The following CLTRN variants were observed in gnomAD, a reference collection of about 807,000 sequenced individuals.
The protein encoded by CLTRN is collectrin, amino acid transport regulator, also known as collectrin.
A neutral mutation model predicts 14.5 loss-of-function variants in CLTRN; 12 were observed. The ratio of observed to expected loss-of-function variants is 0.83; its 90% CI spans 0.53 to 1.34. The LOEUF (loss-of-function observed/expected upper bound fraction) is 1.34. Among genes scored for constraint, CLTRN ranks in the 40% most tolerant of loss-of-function variants. The probability of loss-of-function intolerance (pLI) is 0.00; values close to 1 mark genes in which losing one functional copy is unlikely to be tolerated. For missense variants in CLTRN, 154 were observed against 165.1 expected (o/e 0.93, Z 0.37); for synonymous variants, 58 against 56.5 (o/e 1.03, Z -0.12).
In CLTRN at chrX:15,664,604, C is replaced by G. The variant is rs184918998; in HGVS notation, c.58+114G>C. On this transcript the variant is annotated intron_variant, in intron 1 of 5. Coordinates refer to ENST00000380342, the MANE Select transcript of CLTRN (RefSeq NM_020665.6). ...ACTCATTAAACACTCACTGCCCCAA[C>G]TTTCAAGCCACAACATGTCTGCAGA... is the stretch of plus-strand genomic sequence containing the variant. 2.5e-3 allele frequency: 1,983 copies of G among 800,887 alleles called. 7 individuals are homozygous for G. Among genetic ancestry groups the G allele is most frequent in the Non-Finnish European group, 2.8e-3 (1,515 of 544,471 alleles). 66.0% of individuals were successfully genotyped at this position (800,887 alleles called of 1,213,427 possible).
intron 3 of CLTRN, among the ~76,000 whole-genome samples, chrX:15,654,724 T>C (rs760731192): frequency 8.9e-6 from 1 of 112,846 alleles, no homozygotes; most frequent in South Asian, 3.7e-4. Flanking sequence ...ACATTTGATC[T>C]ATCTTTCTAC....
upstream of CLTRN, among the ~76,000 whole-genome samples, chrX:15,668,173 A>C (rs974803809): frequency 5.4e-5 from 6 of 112,143 alleles, no homozygotes; most frequent in Admixed American, 2.8e-4. Flanking sequence ...CATAGTTAGA[A>C]TGCGCCTTCC....
intron 5 of CLTRN, among the ~76,000 whole-genome samples, chrX:15,631,548 T>C (rs1928694860): frequency 8.9e-6 from 1 of 112,158 alleles, no homozygotes; most frequent in African/African-American, 3.2e-5. Context: ...GGAAAAATGA[T>C]TCATCAGGCA....
At chrX:15,657,001 A>ATTTT (rs1180351298) in intron 3 of CLTRN, among the ~76,000 whole-genome samples, 1 of 101,460 alleles carries the variant, frequency 9.9e-6, no homozygotes. Context: ...TGTGTACCCA[A>ATTTT]TTTTTTTTTT....
chrX:15,637,637 GGAAA>G (rs1304378760), intron 5 of CLTRN, among the ~76,000 whole-genome samples: 2 of 111,804 alleles, frequency 1.8e-5, no homozygotes, highest in Non-Finnish European at 3.8e-5. Context: ...CTGCTCAGAA[GGAAA>G]GAGATAGCTG....
intron 3 of CLTRN, among the ~76,000 whole-genome samples, chrX:15,655,255 A>G (rs1929322107): frequency 8.9e-6 from 1 of 112,120 alleles, no homozygotes; most frequent in Non-Finnish European, 1.9e-5. Context: ...ATAGATAAGG[A>G]AAGGCCAAAT....
chrX:15,663,563 TGCTG>T (rs1929556352), intron 2 of CLTRN, among the ~76,000 whole-genome samples: 1 of 78,258 alleles, frequency 1.3e-5, no homozygotes, highest in South Asian at 7.8e-4. Context: ...TCTCAATAAA[TGCTG>T]GCTGTTATAA....
At position 15,639,750 on chromosome X, in the gene CLTRN, G is replaced by T. The variant is rs1928897280; in HGVS notation, c.324C>A (p.Asn108Lys). ...AVEVQSAIRM[N>K]KNRINNAFFL... ...AGAAGGCATTGTTGATCCGGTTCTTGTTCATTCTAAAATGCAATGATAATT... is the reference window on the plus strand; with the variant it reads ...AGAAGGCATTGTTGATCCGGTTCTTTTTCATTCTAAAATGCAATGATAATT... The change falls in exon 5 of 6, where the codon AAC becomes AAA. Residue 108 changes from asparagine (N) to lysine (K), a missense_variant. Coordinates refer to ENST00000380342, the MANE Select transcript of CLTRN (RefSeq NM_020665.6). The T allele has an allele frequency of 8.4e-7, 1 of 1,193,520 alleles. No homozygotes were observed. The highest frequency in any genetic ancestry group is 1.1e-6 in the Non-Finnish European group (1 of 888,229).
upstream of CLTRN, among the ~76,000 whole-genome samples, chrX:15,668,201 T>C (rs1469181151): frequency 9.0e-6 from 1 of 111,639 alleles, no homozygotes; most frequent in African/African-American, 3.3e-5. Flanking sequence ...TGGATCTCTT[T>C]ATATGTTCTT....
chrX:15,660,051 T>C (rs933197726), intron 2 of CLTRN, among the ~76,000 whole-genome samples: 1 of 111,379 alleles, frequency 9.0e-6, no homozygotes, highest in African/African-American at 3.3e-5. Flanking sequence ...AGGGAGAAAG[T>C]AGCAAAAGCT....
intron 2 of CLTRN, among the ~76,000 whole-genome samples, chrX:15,662,345 G>C (rs189045509): frequency 1.8e-5 from 2 of 111,018 alleles, no homozygotes; most frequent in East Asian, 2.8e-4. Flanking sequence ...CTCCTCTCCT[G>C]AAGTGCCAGA....
chrX:15,633,893 G>A (rs940360858), intron 5 of CLTRN, among the ~76,000 whole-genome samples: 9 of 111,998 alleles, frequency 8.0e-5, no homozygotes, highest in South Asian at 3.7e-4. Flanking sequence ...ATTTATGTTT[G>A]TCTCATCCAC....
At chrX:15,646,456 G>GCCCCCCCCCCCCCC in intron 3 of CLTRN, 3 of 286,257 alleles carry the variant, frequency 1.0e-5, no homozygotes, top group South Asian at 3.1e-5. Flanking sequence ...AGAAAACCGC[G>GCCCCCCCCCCCCCC]CACCCACCCC....
intron 3 of CLTRN, among the ~76,000 whole-genome samples, chrX:15,651,942 A>G (rs1301306517): frequency 1.8e-5 from 2 of 112,067 alleles, no homozygotes; most frequent in African/African-American, 6.5e-5. Flanking sequence ...CAACAAAACA[A>G]AACACAGAAC....
chrX:15,664,403 A>G lies in CLTRN; in HGVS notation c.59-8T>C, dbSNP rs759153770. 4 of 1,168,865 alleles carry G rather than the reference A, an allele frequency of 3.4e-6. No individual in the cohort carries two copies. In the East Asian group the frequency reaches 1.2e-4, roughly 36 times the overall value. On this transcript the variant is annotated splice_polypyrimidine_tract_variant and splice_region_variant and intron_variant, in intron 1 of 5. Transcript: ENST00000380342. ...TAAAAGCATTTTCTGCACCTGCCAG[A>G]AAAGAAAAAAGAAAGAGCAGTATAT...
At chrX:15,638,921 T>C (rs991629439) in intron 5 of CLTRN, among the ~76,000 whole-genome samples, 1 of 111,998 alleles carries the variant, frequency 8.9e-6, no homozygotes, top group African/African-American at 3.2e-5. Flanking sequence ...TTAAAATGCA[T>C]CCCTTCAGAG....
intron 3 of CLTRN, among the ~76,000 whole-genome samples, chrX:15,652,650 T>C (rs1929248161): frequency 8.9e-6 from 1 of 111,968 alleles, no homozygotes; most frequent in Admixed American, 9.5e-5. Flanking sequence ...TTGTTTTTTC[T>C]TTGAACTGTA....
intron 5 of CLTRN, among the ~76,000 whole-genome samples, chrX:15,634,824 C>A (rs1383883694): frequency 1.9e-5 from 2 of 103,569 alleles, no homozygotes; most frequent in African/African-American, 3.5e-5. Context: ...GGGAGATATA[C>A]CTAATGCTAG....
chrX:15,652,221 C>T (rs982616664), intron 3 of CLTRN, among the ~76,000 whole-genome samples: 1 of 111,994 alleles, frequency 8.9e-6, no homozygotes, highest in Non-Finnish European at 1.9e-5. Context: ...AAAAATTGAT[C>T]AACAAGCATT....
Sources: allele counts gnomAD v4.1 joint callset (sites outside exome capture counted in the v4.1 genomes callset), GRCh38; gene constraint gnomAD v4.1.1; transcripts MANE v1.5; gene names NCBI Gene and HGNC (gene_info 2026-07-23, HGNC 2026-07-21).